Variants in JAG2 observed in about 807,000 individuals in gnomAD.
JAG2 encodes the protein protein jagged-2.
JAG2 carries 46 observed loss-of-function variants against 141.7 expected under a neutral mutation model. The ratio of observed to expected loss-of-function variants is 0.32; its 90% CI spans 0.26 to 0.42. JAG2 has a LOEUF of 0.42. Among genes scored for constraint, JAG2 ranks in the 10% least tolerant of loss-of-function variants. The probability of loss-of-function intolerance (pLI) is 1.00; values close to 1 mark genes in which losing one functional copy is unlikely to be tolerated. For missense variants in JAG2, 1,500 were observed against 1,817.5 expected, an observed-to-expected ratio of 0.83 and a Z score of 3.18; for synonymous variants, 862 against 763.5, an observed-to-expected ratio of 1.13 and a Z score of -2.13.
At chr14:105,162,300 C>A (rs1217674740) in intron 2 of JAG2, among the ~76,000 whole-genome samples, 10 of 152,032 alleles carry the variant, frequency 6.6e-5, no homozygotes, top group African/African-American at 2.4e-4. Context: ...ACCGCACAAG[C>A]AGACCCGCAG....
chr14:105,143,636 G>T lies in JAG2; in HGVS notation c.3087C>A (p.Ser1029=). Residue 1029 remains serine (S), a splice_region_variant and synonymous_variant, in exon 25 of 26, where the codon TCC becomes TCA. Coordinates refer to ENST00000331782, the MANE Select transcript of JAG2 (RefSeq NM_002226.5). ...SGASAVEVAV[S]FSPARDLPDS... ...CAGGCAGGTCCCTGGCAGGGCTGAA[G>T]GACTGCGGCAAAGAACGGCATTGTG... 6.2e-7 allele frequency: 1 copy of T among 1,607,112 alleles called. No individual in the cohort carries two copies. Among genetic ancestry groups the T allele is most frequent in the Non-Finnish European group, 8.5e-7 (1 of 1,179,742 alleles).
rs767908064 is a variant in JAG2, at chr14:105,147,931, G to T, written c.2249-43C>A. The T allele has an allele frequency of 8.9e-6, 13 of 1,463,440 alleles. No homozygotes were observed. The South Asian group carries it at 1.3e-4, about 15-fold the overall frequency. The allele number at this position is 1,463,440 out of a possible 1,614,324, so 90.7% of individuals were successfully genotyped here. On this transcript the variant is annotated intron_variant, in intron 17 of 25. Coordinates refer to ENST00000331782, the MANE Select transcript of JAG2 (RefSeq NM_002226.5). ...GGAGGGAGCGTCTCACCTGGCCCTG[G>T]GCTGGCCCTGGGTCTCCATACCGCG...
intron 24 of JAG2, 111 bp downstream of exon 24, chr14:105,144,819 G>T: frequency 7.1e-7 from 1 of 1,402,864 alleles, no homozygotes; most frequent in Non-Finnish European, 9.7e-7. Flanking sequence ...CCTGCCCGCA[G>T]TCCTTCCGCA....
chr14:105,161,180 GT>G, intron 2 of JAG2, among the ~76,000 whole-genome samples: 1 of 144,390 alleles, frequency 6.9e-6, no homozygotes, highest in African/African-American at 2.6e-5. Context: ...GTTGTTGGGG[GT>G]CTGAGTGAGG....
In JAG2 at chr14:105,168,407, C is replaced by A; in HGVS notation, c.14G>T (p.Gly5Val). 1.0e-6 allele frequency: 1 copy of A among 982,850 alleles called. No individual in the cohort carries two copies. The allele number at this position is 982,850 out of a possible 1,614,324, so 60.9% of individuals were successfully genotyped here. The change falls in exon 1 of 26, where the codon GGC (glycine) becomes GTC (valine). Residue 5 changes from glycine to valine, a missense_variant. By Grantham distance (109) the Gly-to-Val change is moderately radical. Transcript: ENST00000331782. MRAQ[G>V]RGRLPRRLLL... ...CAGCCGCCGGGGAAGGCGCCCCCGG[C>A]CCTGCGCCCGCATTGCCCCCGCGAC...
At chr14:105,144,723 C>G (rs938043853) in intron 24 of JAG2, among the ~76,000 whole-genome samples, 1 of 152,210 alleles carries the variant, frequency 6.6e-6, no homozygotes, top group Non-Finnish European at 1.5e-5. Flanking sequence ...CACACCACAG[C>G]CCTGCATCTC....
intron 4 of JAG2, 33 bp from the exon 5 acceptor site, chr14:105,155,655 C>A: frequency 2.5e-6 from 4 of 1,612,388 alleles, no homozygotes; most frequent in Non-Finnish European, 3.4e-6. Flanking sequence ...GGCACAGCTG[C>A]AGCCAGCCTG....
intron 22 of JAG2, 75 bp from the exon 23 acceptor site, chr14:105,146,048 A>G: frequency 6.5e-7 from 1 of 1,546,814 alleles, no homozygotes; most frequent in Non-Finnish European, 8.7e-7. Context: ...ATGAGAACCC[A>G]CAGGCAGGCA....
At chr14:105,160,515 C>T (rs1174177575) in intron 2 of JAG2, among the ~76,000 whole-genome samples, 2 of 151,748 alleles carry the variant, frequency 1.3e-5, no homozygotes, top group African/African-American at 2.4e-5. Flanking sequence ...GGACGGCAAC[C>T]TATAGCCAGC....
At position 105,152,251 on chromosome 14, in the gene JAG2, C is replaced by T; in HGVS notation, c.829G>A (p.Val277Ile). Residue 277 changes from valine (V) to isoleucine (I), a missense_variant, in exon 6 of 26, where the codon GTC becomes ATC. Val to Ile is a conservative substitution (Grantham distance 29). This residue lies in a region of JAG2 where 875 missense variants were observed against 1,202.2 expected (regional missense o/e 0.73). Transcript: ENST00000331782. ...GWQGRFCDEC[V>I]PYPGCVHGSC... ...CCATGCACGCAGCCGGGGTAGGGGA[C>T]ACACTCATCGCAGAACCTCCCTTGC... 2 of 1,613,388 alleles carry T rather than the reference C, an allele frequency of 1.2e-6. No homozygotes were observed. The highest frequency in any genetic ancestry group is 1.7e-6 in the Non-Finnish European group (2 of 1,179,998).
In JAG2 at chr14:105,155,421, C is replaced by T. The variant is rs370995808; in HGVS notation, c.788+141G>A. On this transcript the variant is annotated intron_variant, in intron 5 of 25. Coordinates refer to ENST00000331782, the MANE Select transcript of JAG2 (RefSeq NM_002226.5). ...GCACCTACTGCACTAAGGAGCCTCC[C>T]GAGCTCAGGGCCCGGCTCTCACAGC... is the stretch of plus-strand genomic sequence containing the variant. 117 of 924,912 alleles carry T rather than the reference C, an allele frequency of 1.3e-4. 1 individual carries two copies. In the Middle Eastern group the frequency reaches 3.0e-3, roughly 24 times the overall value. 57.3% of individuals were successfully genotyped at this position (924,912 alleles called of 1,614,324 possible). A position where few individuals can be genotyped will look rare whatever the true frequency, so the allele number is the denominator to read the frequency against.
chr14:105,168,323 G>T, intron 1 of JAG2, 32 bp downstream of exon 1: 1 of 556,874 alleles, frequency 1.8e-6, no homozygotes, highest in Non-Finnish European at 2.3e-6. Flanking sequence ...TGCCCCGTCC[G>T]CGACCCCCGC....
At chr14:105,164,983 C>A (rs1335108330) in intron 2 of JAG2, among the ~76,000 whole-genome samples, 1 of 152,172 alleles carries the variant, frequency 6.6e-6, no homozygotes, top group Non-Finnish European at 1.5e-5. Flanking sequence ...CTCATAAGCC[C>A]AGATCTGTCA....
In JAG2 at chr14:105,162,771, T is replaced by C. The variant is rs55934617; in HGVS notation, c.417+4986A>G. ...GCCTTGTGCACCCCATGGCCCAGTG[T>C]ACCCACAGTCCAGGGCACCCCAAAG... On this transcript the variant is annotated intron_variant, in intron 2 of 25. Transcript: ENST00000331782. Among the ~76,000 whole-genome samples, 303 of 57,158 alleles carry C rather than the reference T, an allele frequency of 5.3e-3. 16 individuals carry two copies. In the East Asian group the frequency reaches 0.17, roughly 32 times the overall value. The allele number at this position is 57,158 out of a possible 152,430, so 37.5% of individuals were successfully genotyped here.
intron 2 of JAG2, among the ~76,000 whole-genome samples, chr14:105,158,952 C>A (rs1566768020): frequency 1.3e-5 from 2 of 152,166 alleles, no homozygotes; most frequent in Non-Finnish European, 2.9e-5. Context: ...CGCCTGCCAG[C>A]CCTTCCCTGG....
chr14:105,157,461 C>T (rs1888614621), intron 3 of JAG2, among the ~76,000 whole-genome samples: 1 of 152,146 alleles, frequency 6.6e-6, no homozygotes, highest in South Asian at 2.1e-4. Flanking sequence ...TGCCATGGGC[C>T]CCAAAAGAGC....
chr14:105,152,041 G>T lies in JAG2; in HGVS notation c.936C>A (p.Gly312=), dbSNP rs1284409631. ...CTCCGTTGGTGCAGGGGTGGTGGCT[G>T]CCACAGTAGTTCAGGTCTGGGGGCA... ...LLCDKDLNYC[G]SHHPCTNGGT... Residue 312 remains glycine (G), a synonymous_variant, in exon 7 of 26, where the codon GGC becomes GGA. Transcript: ENST00000331782. The T allele has an allele frequency of 6.2e-7, 1 of 1,613,280 alleles. No individual in the cohort carries two copies. The highest frequency in any genetic ancestry group is 8.5e-7 in the Non-Finnish European group (1 of 1,179,948).
chr14:105,155,796 G>A lies in JAG2; in HGVS notation c.669C>T (p.Cys223=), dbSNP rs376282156. 110 of 1,612,952 alleles carry A rather than the reference G, an allele frequency of 6.8e-5. 1 individual carries two copies. The East Asian group carries it at 7.6e-4, about 11-fold the overall frequency. The change falls in exon 4 of 26, where the codon TGC becomes TGT. Residue 223 remains cysteine (C), a synonymous_variant. Transcript: ENST00000331782. ...PRNDFFGHYT[C]DQYGNKACMD... ...TGCAGGCCTTGTTGCCGTACTGGTC[G>A]CAGGTGTAGTGGCCGAAAAAGTCGT...
intron 5 of JAG2, among the ~76,000 whole-genome samples, chr14:105,152,636 TGCTGCCAGGGCCGGGAGGCACCAGGG>T (rs1294476525): frequency 6.7e-6 from 1 of 149,924 alleles, no homozygotes; most frequent in Non-Finnish European, 1.5e-5. Flanking sequence ...ACTCACAAGG[TGCTGCCAGGGCCGGGAGGCACCAGGG>T]GCTGGGTAGG....
Sources: allele counts gnomAD v4.1 joint callset (sites outside exome capture counted in the v4.1 genomes callset), GRCh38; gene constraint gnomAD v4.1.1; regional missense constraint gnomAD v4.1.1; transcripts MANE v1.5; gene names NCBI Gene and HGNC (gene_info 2026-07-23, HGNC 2026-07-21).